Variants in COL24A1 observed in about 807,000 individuals in gnomAD.
COL24A1 encodes collagen type XXIV alpha 1 chain, also known as collagen alpha-1(XXIV) chain.
Under a neutral mutation model 253.9 loss-of-function variants are expected in COL24A1, and 224 were observed. The ratio of observed to expected loss-of-function variants is 0.88; its 90% CI spans 0.79 to 0.99. The LOEUF is 0.99. Ranked by LOEUF, COL24A1 falls within the 50% of genes least tolerant of loss-of-function variation. COL24A1 has a pLI of 0.00. For synonymous variants in COL24A1, 685 were observed against 673.7 expected (o/e 1.02, Z -0.26); for missense variants, 2,131 against 2,068.5 (o/e 1.03, Z -0.59).
intron 47 of COL24A1, among the ~76,000 whole-genome samples, chr1:85,804,094 C>T (rs1411487232): frequency 1.3e-5 from 2 of 151,838 alleles, no homozygotes; most frequent in Admixed American, 1.3e-4. Flanking sequence ...TATCAAATAG[C>T]TTAATTAAGT....
intron 19 of COL24A1, among the ~76,000 whole-genome samples, chr1:86,016,591 A>T (rs1038375907): frequency 3.3e-5 from 5 of 152,236 alleles, no homozygotes; most frequent in Non-Finnish European, 7.3e-5. Context: ...TCTTTGACTC[A>T]TAGGTCTGAC....
intron 19 of COL24A1, among the ~76,000 whole-genome samples, chr1:86,016,686 T>C (rs1697025957): frequency 6.6e-6 from 1 of 152,228 alleles, no homozygotes; most frequent in South Asian, 2.1e-4. Flanking sequence ...GGCCACTGTA[T>C]ATCAACCATT....
At chr1:85,977,981 A>C (rs1159295145) in intron 20 of COL24A1, among the ~76,000 whole-genome samples, 1 of 152,182 alleles carries the variant, frequency 6.6e-6, no homozygotes, top group African/African-American at 2.4e-5. Flanking sequence ...GTGAGGCAAA[A>C]GCATCAGGTA....
At chr1:85,785,158 C>A (rs1039541516) in intron 48 of COL24A1, among the ~76,000 whole-genome samples, 1 of 152,140 alleles carries the variant, frequency 6.6e-6, no homozygotes, top group African/African-American at 2.4e-5. Flanking sequence ...CCATGATTAT[C>A]TTTTTAATTC....
intron 33 of COL24A1, 78 bp from the exon 34 acceptor site, chr1:85,875,408 G>T: frequency 8.8e-7 from 1 of 1,132,044 alleles, no homozygotes; most frequent in Non-Finnish European, 1.3e-6. Flanking sequence ...GAACTCAAGG[G>T]TGAGATACCT....
intron 24 of COL24A1, among the ~76,000 whole-genome samples, chr1:85,951,408 T>G (rs982826483): frequency 2.6e-5 from 4 of 152,220 alleles, no homozygotes; most frequent in African/African-American, 9.6e-5. Flanking sequence ...ATCTTGAAAG[T>G]TGATGCTTGG....
intron 21 of COL24A1, among the ~76,000 whole-genome samples, 159 bp downstream of exon 21, chr1:85,971,181 C>T (rs1692131649): frequency 6.6e-6 from 1 of 152,090 alleles, no homozygotes; most frequent in South Asian, 2.1e-4. Context: ...TGCACTCCAT[C>T]CTGGGCAAGA....
chr1:86,020,145 G>A (rs182805077), intron 18 of COL24A1, among the ~76,000 whole-genome samples: 92 of 128,190 alleles, frequency 7.2e-4, no homozygotes, highest in African/African-American at 2.7e-3. Flanking sequence ...TTGACTTACT[G>A]CAACCTCTGC....
chr1:86,128,147 ATGTTT>A (rs1461863365), intron 2 of COL24A1, among the ~76,000 whole-genome samples: 1 of 152,060 alleles, frequency 6.6e-6, no homozygotes, highest in East Asian at 1.9e-4. Flanking sequence ...TTGACTTCTT[ATGTTT>A]TATCATCATA....
At chr1:85,746,570 C>A (rs911809304) in intron 55 of COL24A1, among the ~76,000 whole-genome samples, 1 of 151,824 alleles carries the variant, frequency 6.6e-6, no homozygotes, top group Non-Finnish European at 1.5e-5. Flanking sequence ...GAAAAGTGCA[C>A]GAAACTATGA....
intron 7 of COL24A1, among the ~76,000 whole-genome samples, chr1:86,084,933 C>T (rs968059675): frequency 1.3e-5 from 2 of 152,098 alleles, no homozygotes; most frequent in African/African-American, 2.4e-5. Context: ...CTCAGTACTG[C>T]ACTTGAATTG....
rs1553237048 is a variant in COL24A1 at position 85,945,019 on chromosome 1, T to TTTTTTTTTTTTTTTTTTTTTTTTTG, written c.2562+16229_2562+16230insCAAAAAAAAAAAAAAAAAAAAAAAA. Among the ~76,000 whole-genome samples, 7 of 73,388 alleles carry TTTTTTTTTTTTTTTTTTTTTTTTTG rather than the reference T, an allele frequency of 9.5e-5. 1 individual carries two copies. Among genetic ancestry groups the TTTTTTTTTTTTTTTTTTTTTTTTTG allele is most frequent in the South Asian group, 7.1e-4 (1 of 1,418 alleles). The allele number at this position is 73,388 out of a possible 152,430, so 48.1% of individuals were successfully genotyped here. A position where few individuals can be genotyped will look rare whatever the true frequency, so the allele number is the denominator to read the frequency against. On this transcript the variant is annotated intron_variant, in intron 24 of 59. Coordinates refer to ENST00000370571, the MANE Select transcript of COL24A1 (RefSeq NM_152890.7). ...ATCATTGTGTTTTTTTTTTTTTTTTTTTTTTTTTTTTTTTTTGAGACAGAG... is the reference window on the plus strand; with the variant it reads ...ATCATTGTGTTTTTTTTTTTTTTTTTTTTTTTTTTTTTTTTTTTTTTTTTGTTTTTTTTTTTTTTTTGAGACAGAG...
intron 20 of COL24A1, among the ~76,000 whole-genome samples, chr1:85,982,914 G>C (rs532105121): frequency 1.3e-5 from 2 of 151,940 alleles, no homozygotes; most frequent in African/African-American, 4.8e-5. Context: ...TCCTGTTATA[G>C]TATATAGAAT....
intron 7 of COL24A1, among the ~76,000 whole-genome samples, chr1:86,076,456 C>T (rs1702252279): frequency 6.6e-6 from 1 of 152,132 alleles, no homozygotes; most frequent in African/African-American, 2.4e-5. Flanking sequence ...ATGAAAATGG[C>T]CATACTGTCC....
At chr1:85,776,325 A>G (rs1668538609) in intron 52 of COL24A1, among the ~76,000 whole-genome samples, 1 of 152,054 alleles carries the variant, frequency 6.6e-6, no homozygotes, top group Admixed American at 6.6e-5. Context: ...CAGTTCTTTT[A>G]CATTTAGTAA....
At chr1:85,813,187 C>G (rs911638187) in intron 47 of COL24A1, among the ~76,000 whole-genome samples, 8 of 151,248 alleles carry the variant, frequency 5.3e-5, no homozygotes, top group African/African-American at 1.5e-4. Flanking sequence ...TAAAGATATG[C>G]ATAAAAACCT....
chr1:85,992,043 G>C (rs183467439), intron 19 of COL24A1, among the ~76,000 whole-genome samples: 7 of 151,962 alleles, frequency 4.6e-5, no homozygotes, highest in Admixed American at 4.6e-4. Flanking sequence ...TTTAACACTA[G>C]GTATATCTCC....
At chr1:85,839,755 C>T (rs1434720769) in intron 42 of COL24A1, among the ~76,000 whole-genome samples, 8 of 151,932 alleles carry the variant, frequency 5.3e-5, no homozygotes, top group Non-Finnish European at 1.2e-4. Context: ...ATTTTCAAGA[C>T]ATAAATTAAC....
intron 57 of COL24A1, among the ~76,000 whole-genome samples, chr1:85,742,738 A>G (rs1372763227): frequency 6.6e-6 from 1 of 152,130 alleles, no homozygotes; most frequent in African/African-American, 2.4e-5. Context: ...TTACCATTCT[A>G]GTTCTCTCAT....
Sources: gnomAD v4.1 joint callset for allele counts (sites outside exome capture counted in the v4.1 genomes callset) on GRCh38, gnomAD v4.1.1 for gene constraint, MANE v1.5 for transcripts, NCBI Gene and HGNC (gene_info 2026-07-23, HGNC 2026-07-21) for gene names.